SLC5A11: variants seen among roughly 807,000 people sequenced by gnomAD.
SLC5A11 encodes the protein sodium/myo-inositol cotransporter 2.
Under a neutral mutation model 69.8 loss-of-function variants are expected in SLC5A11, and 48 were observed. The ratio of observed to expected loss-of-function variants is 0.69; its 90% CI spans 0.55 to 0.87. SLC5A11 has a LOEUF of 0.87. SLC5A11 is among the 40% of genes least tolerant of loss of function. The probability of loss-of-function intolerance (pLI) is 0.00; values close to 1 mark genes in which losing one functional copy is unlikely to be tolerated. For missense variants in SLC5A11, 784 were observed against 866.1 expected (o/e 0.91, Z 1.19); for synonymous variants, 319 against 342.4 (o/e 0.93, Z 0.75).
intron 9 of SLC5A11, among the ~76,000 whole-genome samples, chr16:24,894,696 A>G (rs12926061): frequency 0.7 from 106,432 of 151,804 alleles, 37,592 homozygotes; most frequent in East Asian, 0.76. Flanking sequence ...AGCTACTTGG[A>G]AGGCTGAGGC....
chr16:24,875,559 C>A, intron 5 of SLC5A11, 68 bp from the exon 7 acceptor site: 1 of 1,275,060 alleles, frequency 7.8e-7, no homozygotes, highest in Non-Finnish European at 1.1e-6. Flanking sequence ...ATGGGAAGGG[C>A]TTGTGTGGGG....
intron 10 of SLC5A11, among the ~76,000 whole-genome samples, chr16:24,905,804 TG>T (rs985913410): frequency 6.6e-6 from 1 of 152,050 alleles, no homozygotes; most frequent in Non-Finnish European, 1.5e-5. Flanking sequence ...AACTAACCTC[TG>T]GGCCTCAGTT....
chr16:24,910,816 G>C (rs1252991729), intron 15 of SLC5A11, among the ~76,000 whole-genome samples: 1 of 152,124 alleles, frequency 6.6e-6, no homozygotes, highest in Non-Finnish European at 1.5e-5. Flanking sequence ...GCGGCTTGCA[G>C]ACATATTTTG....
At chr16:24,873,860 C>T (rs997591549) in intron 5 of SLC5A11, among the ~76,000 whole-genome samples, 1 of 142,260 alleles carries the variant, frequency 7.0e-6, no homozygotes, top group Middle Eastern at 4.2e-3. Flanking sequence ...GAGTTTCGCT[C>T]TGCTGCCCAG....
At chr16:24,889,785 C>T (rs1347935540) in intron 8 of SLC5A11, among the ~76,000 whole-genome samples, 3 of 151,798 alleles carry the variant, frequency 2.0e-5, no homozygotes, top group Non-Finnish European at 2.9e-5. Context: ...TGACCTCAGG[C>T]GATTCGCCCA....
intron 10 of SLC5A11, among the ~76,000 whole-genome samples, chr16:24,905,286 A>ACC (rs2049945109): frequency 7.1e-6 from 1 of 141,620 alleles, no homozygotes; most frequent in Non-Finnish European, 1.6e-5. Flanking sequence ...AAAAAAAAAA[A>ACC]AAAAAAAAAA....
chr16:24,906,747 T>A (rs762496582), exon 11 of SLC5A11: 1 of 1,612,950 alleles, frequency 6.2e-7, no homozygotes, highest in South Asian at 1.1e-5. Context: ...AAACTCGTGC[T>A]GGAACTCCTG....
intron 8 of SLC5A11, among the ~76,000 whole-genome samples, chr16:24,887,267 A>C (rs17178242): frequency 0.39 from 59,545 of 151,966 alleles, 12,976 homozygotes; most frequent in Non-Finnish European, 0.5. Flanking sequence ...TATTATGACT[A>C]AAGAGAAAAT....
intron 9 of SLC5A11, among the ~76,000 whole-genome samples, chr16:24,894,170 C>T (rs988867602): frequency 6.6e-6 from 1 of 152,116 alleles, no homozygotes; most frequent in Admixed American, 6.6e-5. Flanking sequence ...CACCTAAGTC[C>T]GTCTGCACTT....
Position 24,884,136 on chromosome 16 carries a change from G to A in SLC5A11, c.664+5G>A. ...CGCTCACCTTGATGGGCTACAGTAA[G>A]TGGGGTCCCCGGGTCACTGGGGCGG... On this transcript the variant is annotated splice_donor_5th_base_variant and intron_variant, in intron 8 of 15. Transcript: ENST00000347898. 1.9e-6 allele frequency: 3 copies of A among 1,613,974 alleles called. No homozygotes were observed. The Admixed American group carries it at 5.0e-5, about 27-fold the overall frequency.
intron 5 of SLC5A11, among the ~76,000 whole-genome samples, chr16:24,874,182 C>T (rs2047516572): frequency 2.0e-5 from 3 of 152,116 alleles, no homozygotes; most frequent in Admixed American, 6.6e-5. Context: ...CATTGCTATG[C>T]GGTATCGTGT....
intron 14 of SLC5A11, 101 bp from the exon 16 acceptor site, chr16:24,910,205 A>T (rs2050404219): frequency 2.4e-6 from 3 of 1,245,054 alleles, no homozygotes; most frequent in Non-Finnish European, 3.4e-6. Flanking sequence ...AGATTCAGAC[A>T]CAAAGGCTGA....
At chr16:24,850,812 G>A (rs868799087) in intron 1 of SLC5A11, among the ~76,000 whole-genome samples, 32 of 145,726 alleles carry the variant, frequency 2.2e-4, no homozygotes, top group African/African-American at 7.0e-4. Context: ...AAGTTTATTC[G>A]TTTTTTTTTT....
At chr16:24,846,183 T>A (rs1314578287) in exon 1 of SLC5A11, 1 of 152,518 alleles carries the variant, frequency 6.6e-6, no homozygotes, top group Non-Finnish European at 1.5e-5. Context: ...CCCCGTTCTC[T>A]CTTCTGCCCT....
intron 8 of SLC5A11, among the ~76,000 whole-genome samples, chr16:24,889,679 C>CT (rs112293848): frequency 0.012 from 1,873 of 150,074 alleles, 45 homozygotes; most frequent in African/African-American, 0.043. Flanking sequence ...TCCTGAGCAG[C>CT]TGGGATTACA....
chr16:24,862,532 C>G, intron 2 of SLC5A11, 69 bp from the exon 4 acceptor site: 1 of 1,367,856 alleles, frequency 7.3e-7, no homozygotes, highest in Non-Finnish European at 1.0e-6. Context: ...CCTGCCTGGC[C>G]TAGGCCATTT....
chr16:24,875,336 C>T (rs2047598347), intron 5 of SLC5A11, among the ~76,000 whole-genome samples: 1 of 152,100 alleles, frequency 6.6e-6, no homozygotes, highest in Non-Finnish European at 1.5e-5. Flanking sequence ...AGGCGCCTGT[C>T]ACCACGCATG....
chr16:24,908,620 A>G (rs1238710502), intron 13 of SLC5A11, among the ~76,000 whole-genome samples: 1 of 147,008 alleles, frequency 6.8e-6, no homozygotes, highest in African/African-American at 2.5e-5. Flanking sequence ...AAAAAAAGCA[A>G]TGAGAGGTTC....
At chr16:24,890,888 G>T (rs1279521900) in exon 9 of SLC5A11, 2 of 1,614,152 alleles carry the variant, frequency 1.2e-6, no homozygotes. Context: ...CGGTTGGTGG[G>T]ATGGAAGGAC....
Sources: allele counts gnomAD v4.1 joint callset (sites outside exome capture counted in the v4.1 genomes callset), GRCh38; gene constraint gnomAD v4.1.1; transcripts MANE v1.5; gene names NCBI Gene and HGNC (gene_info 2026-07-23, HGNC 2026-07-21).